LRRC4C: variants seen among roughly 807,000 people sequenced by gnomAD.
LRRC4C encodes the protein leucine rich repeat containing 4C.
A neutral mutation model predicts 33.6 loss-of-function variants in LRRC4C; 5 were observed. The ratio of observed to expected loss-of-function variants is 0.15; its 90% CI spans 0.08 to 0.31. The LOEUF (loss-of-function observed/expected upper bound fraction) is 0.31, where lower values mean the gene tolerates loss of function less well. Ranked by LOEUF, LRRC4C falls within the 10% of genes least tolerant of loss-of-function variation. The pLI, the probability that LRRC4C is intolerant of heterozygous loss-of-function variation, is 1.00. For synonymous variants in LRRC4C, 329 were observed against 302.0 expected, an observed-to-expected ratio of 1.09 and a Z score of -0.93; for missense variants, 560 against 796.7, an observed-to-expected ratio of 0.70 and a Z score of 3.58.
intron 2 of LRRC4C, among the ~76,000 whole-genome samples, chr11:40,776,188 G>C (rs1289118562): frequency 6.6e-6 from 1 of 151,904 alleles, no homozygotes; most frequent in Admixed American, 6.6e-5. Flanking sequence ...AGAGCCTGTT[G>C]ATGATTTTTG....
At chr11:40,615,265 T>TATATATACAC (rs1490740198) in intron 3 of LRRC4C, among the ~76,000 whole-genome samples, 4 of 53,444 alleles carry the variant, frequency 7.5e-5, no homozygotes, top group African/African-American at 1.5e-4. Context: ...TATATATATA[T>TATATATACAC]ACACACACAC....
chr11:40,123,223 A>G (rs1855964900), intron 6 of LRRC4C, among the ~76,000 whole-genome samples: 1 of 152,170 alleles, frequency 6.6e-6, no homozygotes, highest in Non-Finnish European at 1.5e-5. Context: ...TATTTATAGT[A>G]TAAAATGATA....
chr11:40,142,126 T>C (rs1857409873), intron 5 of LRRC4C, among the ~76,000 whole-genome samples: 2 of 151,536 alleles, frequency 1.3e-5, no homozygotes, highest in South Asian at 2.1e-4. Context: ...CCACTAAAAA[T>C]ACAAAAATTA....
At chr11:40,209,652 C>T (rs531053414) in intron 5 of LRRC4C, among the ~76,000 whole-genome samples, 2 of 152,276 alleles carry the variant, frequency 1.3e-5, no homozygotes, top group African/African-American at 4.8e-5. Context: ...AAACGATTCT[C>T]ATGCCTCAGC....
intron 2 of LRRC4C, among the ~76,000 whole-genome samples, chr11:40,872,542 T>C (rs4373910): frequency 1 from 152,073 of 152,174 alleles, 75,987 homozygotes; most frequent in Middle Eastern, 1. Flanking sequence ...CTATGTTACT[T>C]AAATGTCTCT....
At chr11:40,804,569 C>A (rs949603190) in intron 2 of LRRC4C, among the ~76,000 whole-genome samples, 2 of 152,086 alleles carry the variant, frequency 1.3e-5, no homozygotes, top group Non-Finnish European at 2.9e-5. Context: ...GGAAAATGCT[C>A]CCTTTATTCT....
chr11:40,262,328 A>C (rs1941915661), intron 4 of LRRC4C, among the ~76,000 whole-genome samples: 1 of 152,188 alleles, frequency 6.6e-6, no homozygotes, highest in South Asian at 2.1e-4. Flanking sequence ...AAAAGTCGGG[A>C]AACAACAGAT....
At chr11:41,436,092 T>A (rs1955416465) in intron 1 of LRRC4C, among the ~76,000 whole-genome samples, 1 of 152,114 alleles carries the variant, frequency 6.6e-6, no homozygotes, top group South Asian at 2.1e-4. Context: ...TAATCCCAGC[T>A]ACTGGGAAGG....
At chr11:40,839,629 C>T (rs1020622529) in intron 2 of LRRC4C, among the ~76,000 whole-genome samples, 2 of 152,092 alleles carry the variant, frequency 1.3e-5, no homozygotes, top group Non-Finnish European at 2.9e-5. Flanking sequence ...AGGAAGAAAG[C>T]GATTGAATTT....
chr11:40,289,912 C>G (rs1944078054), intron 4 of LRRC4C, among the ~76,000 whole-genome samples: 1 of 152,108 alleles, frequency 6.6e-6, no homozygotes, highest in Non-Finnish European at 1.5e-5. Flanking sequence ...TTCCCTTTCT[C>G]TCTCTTAGGA....
intron 2 of LRRC4C, among the ~76,000 whole-genome samples, chr11:40,838,352 T>A (rs1344253635): frequency 6.6e-6 from 1 of 152,198 alleles, no homozygotes; most frequent in Non-Finnish European, 1.5e-5. Flanking sequence ...CTGATGAAAA[T>A]GTTTTGTCTC....
chr11:41,381,584 G>T (rs112687517), intron 1 of LRRC4C, among the ~76,000 whole-genome samples: 1 of 149,226 alleles, frequency 6.7e-6, no homozygotes, highest in South Asian at 2.1e-4. Context: ...CCAAGATTGC[G>T]CCACTGTACT....
intron 4 of LRRC4C, among the ~76,000 whole-genome samples, chr11:40,255,160 G>A (rs1286541444): frequency 2.0e-5 from 3 of 152,066 alleles, no homozygotes; most frequent in Non-Finnish European, 4.4e-5. Flanking sequence ...CAATCAGGGA[G>A]GATGTACAGG....
At chr11:41,280,490 A>G (rs1192034851) in intron 1 of LRRC4C, among the ~76,000 whole-genome samples, 1 of 152,224 alleles carries the variant, frequency 6.6e-6, no homozygotes, top group Non-Finnish European at 1.5e-5. Context: ...ACTTTATAAC[A>G]GAGGCTGTGC....
intron 5 of LRRC4C, among the ~76,000 whole-genome samples, chr11:40,173,259 A>C (rs1020402992): frequency 6.6e-6 from 1 of 152,092 alleles, no homozygotes; most frequent in Non-Finnish European, 1.5e-5. Flanking sequence ...CTATGTTTTC[A>C]TTTTTGTTGC....
At chr11:40,147,117 GC>G (rs1453254123) in intron 5 of LRRC4C, among the ~76,000 whole-genome samples, 1 of 152,142 alleles carries the variant, frequency 6.6e-6, no homozygotes, top group African/African-American at 2.4e-5. Context: ...TGTTGCAAGT[GC>G]CTGACTTTTT....
Position 40,842,104 on chromosome 11 carries a change from C to T in LRRC4C, c.-407+91531G>A, listed in dbSNP as rs189756938. The stretch of plus-strand genomic sequence containing the variant: ...TATGCTTCACAGTGCAAGGTTATTA[C>T]GCAGTTGGACTACAATAGTTGATGT... On this transcript the variant is annotated intron_variant, in intron 2 of 6. Coordinates refer to ENST00000528697, the MANE Select transcript of LRRC4C (RefSeq NM_001258419.2). 1.6e-3 allele frequency among the ~76,000 whole-genome samples: 251 copies of T among 152,274 alleles called. 2 individuals are homozygous for T. Among genetic ancestry groups the T allele is most frequent in the African/African-American group, 5.6e-3 (232 of 41,576 alleles).
At chr11:40,569,643 A>G (rs1957902629) in intron 3 of LRRC4C, among the ~76,000 whole-genome samples, 1 of 152,134 alleles carries the variant, frequency 6.6e-6, no homozygotes. Context: ...TGTCTGTTCT[A>G]CAGGGAAGTT....
chr11:41,316,630 A>G (rs1344238679), intron 1 of LRRC4C, among the ~76,000 whole-genome samples: 1 of 152,132 alleles, frequency 6.6e-6, no homozygotes, highest in African/African-American at 2.4e-5. Context: ...TTATATGTAG[A>G]GCTATTGTTT....
Sources: gnomAD v4.1 joint callset for allele counts (sites outside exome capture counted in the v4.1 genomes callset) on GRCh38, gnomAD v4.1.1 for gene constraint, MANE v1.5 for transcripts, NCBI Gene and HGNC (gene_info 2026-07-23, HGNC 2026-07-21) for gene names.